MIS18A: variants seen among roughly 807,000 people sequenced by gnomAD.
MIS18A encodes the protein MIS18 kinetochore protein A.
A neutral mutation model predicts 25.0 loss-of-function variants in MIS18A; 14 were observed. The ratio of observed to expected loss-of-function variants is 0.56; its 90% confidence interval spans 0.37 to 0.88. The LOEUF (loss-of-function observed/expected upper bound fraction) is 0.88, where lower values mean the gene tolerates loss of function less well. Ranked by LOEUF, MIS18A falls within the 40% of genes least tolerant of loss-of-function variation. The probability of loss-of-function intolerance (pLI) is 0.00; values close to 1 mark genes in which losing one functional copy is unlikely to be tolerated. For missense variants in MIS18A, 292 were observed against 290.8 expected (o/e 1.00, Z -0.03); for synonymous variants, 134 against 118.6 (o/e 1.13, Z -0.84).
At chr21:32,242,125 C>A in the MIS18A span, among the ~76,000 whole-genome samples, 78 of 152,358 alleles carry the variant, frequency 5.1e-4, no homozygotes, top group African/African-American at 1.9e-3. Context: ...CGTGATCCAC[C>A]CGCCTCAGCC....
At chr21:32,169,615 A>C in the MIS18A span, among the ~76,000 whole-genome samples, 3 of 152,150 alleles carry the variant, frequency 2.0e-5, no homozygotes, top group Non-Finnish European at 4.4e-5. Flanking sequence ...GGCTTTGTAC[A>C]AGCAGGAAAT....
At chr21:32,276,856 G>C (rs2031821393) in intron 1 of MIS18A, among the ~76,000 whole-genome samples, 1 of 151,950 alleles carries the variant, frequency 6.6e-6, no homozygotes, top group South Asian at 2.1e-4. Flanking sequence ...TTGAGCAGGC[G>C]TTCAAGGTTA....
the MIS18A span, among the ~76,000 whole-genome samples, chr21:32,223,952 C>T: frequency 2.0e-5 from 3 of 152,154 alleles, no homozygotes; most frequent in East Asian, 1.9e-4. Flanking sequence ...CTTCATCCCT[C>T]GGATGCAAGG....
In MIS18A at chr21:32,279,043, G is replaced by T; in HGVS notation, c.-29C>A. ...CTACAAATCGCCCGCGCCCCAGAGC[G>T]CCATGGGAAAAAAAACCGCCGCTGC... On this transcript the variant is annotated 5_prime_UTR_variant, in exon 1 of 5. Coordinates refer to ENST00000290130, the MANE Select transcript of MIS18A (RefSeq NM_018944.3). 1 of 1,558,464 alleles carries T rather than the reference G, an allele frequency of 6.4e-7. No individual in the cohort carries two copies. The highest frequency in any genetic ancestry group is 8.7e-7 in the Non-Finnish European group (1 of 1,155,716).
chr21:32,233,969 CGG>C, the MIS18A span, among the ~76,000 whole-genome samples: 1 of 152,128 alleles, frequency 6.6e-6, no homozygotes, highest in Non-Finnish European at 1.5e-5. Context: ...AGAGAAGCCT[CGG>C]GAGATATGAC....
chr21:32,256,044 C>T, the MIS18A span, among the ~76,000 whole-genome samples: 3 of 152,130 alleles, frequency 2.0e-5, no homozygotes, highest in South Asian at 2.1e-4. Context: ...AAATGTGTTT[C>T]ACAAGCTTAC....
the MIS18A span, among the ~76,000 whole-genome samples, chr21:32,200,519 C>T: frequency 6.6e-6 from 1 of 151,780 alleles, no homozygotes; most frequent in Admixed American, 6.6e-5. Context: ...CTGCAAGCTC[C>T]ACCTCCTGGG....
the MIS18A span, among the ~76,000 whole-genome samples, chr21:32,207,083 C>A: frequency 0.12 from 19,020 of 152,186 alleles, 1,448 homozygotes; most frequent in African/African-American, 0.2. Context: ...CACGCCTGCG[C>A]CCCAGCTGTA....
chr21:32,215,567 T>C, the MIS18A span, among the ~76,000 whole-genome samples: 4 of 152,074 alleles, frequency 2.6e-5, no homozygotes, highest in South Asian at 2.1e-4. Context: ...TGAAATCAGA[T>C]GACAAGCTGG....
chr21:32,210,059 C>T, the MIS18A span, among the ~76,000 whole-genome samples: 1 of 152,300 alleles, frequency 6.6e-6, no homozygotes, highest in African/African-American at 2.4e-5. Flanking sequence ...GAATCAAGTG[C>T]TCCTTTCACT....
the MIS18A span, among the ~76,000 whole-genome samples, chr21:32,186,078 T>G: frequency 6.6e-6 from 1 of 152,146 alleles, no homozygotes; most frequent in Admixed American, 6.5e-5. Context: ...CACAGGCGGC[T>G]TCCCACCTTC....
chr21:32,252,775 G>A, the MIS18A span, among the ~76,000 whole-genome samples: 1 of 152,190 alleles, frequency 6.6e-6, no homozygotes, highest in Non-Finnish European at 1.5e-5. Flanking sequence ...AAATTTAGAT[G>A]TATCTGTTTT....
the MIS18A span, among the ~76,000 whole-genome samples, chr21:32,208,281 G>T: frequency 7.2e-5 from 11 of 152,162 alleles, no homozygotes; most frequent in East Asian, 1.9e-4. Flanking sequence ...TGAAGGTAGG[G>T]CCTGGTGGGA....
At chr21:32,160,331 C>T in the MIS18A span, among the ~76,000 whole-genome samples, 9 of 138,896 alleles carry the variant, frequency 6.5e-5, no homozygotes, top group African/African-American at 1.6e-4. Flanking sequence ...CACACACACA[C>T]ATACACCATT....
intron 2 of MIS18A, among the ~76,000 whole-genome samples, chr21:32,271,082 C>T (rs1343159616): frequency 1.3e-5 from 2 of 152,202 alleles, no homozygotes; most frequent in Admixed American, 6.5e-5. Context: ...TTTCTTCATT[C>T]TAGTTACCTC....
At chr21:32,164,511 TAA>T in the MIS18A span, among the ~76,000 whole-genome samples, 8 of 152,278 alleles carry the variant, frequency 5.3e-5, no homozygotes, top group East Asian at 1.5e-3. Context: ...GGAAAAATAT[TAA>T]GTTTAATGTT....
chr21:32,168,292 G>T, the MIS18A span, among the ~76,000 whole-genome samples: 5 of 152,242 alleles, frequency 3.3e-5, 1 homozygote, highest in Admixed American at 2.6e-4. Flanking sequence ...TGTTATCCCA[G>T]CCCAAGCAGA....
the MIS18A span, among the ~76,000 whole-genome samples, chr21:32,177,108 C>T: frequency 3.3e-5 from 5 of 152,054 alleles, no homozygotes; most frequent in Non-Finnish European, 7.4e-5. Flanking sequence ...GAGAATCCTT[C>T]GTGATCAAGT....
the MIS18A span, among the ~76,000 whole-genome samples, chr21:32,225,434 A>C: frequency 2.3e-5 from 1 of 44,006 alleles, no homozygotes; most frequent in South Asian, 1.2e-3. Flanking sequence ...AATTTACAAG[A>C]AAAAAACAAA....
Sources: gnomAD v4.1 joint callset for allele counts (sites outside exome capture counted in the v4.1 genomes callset) on GRCh38, gnomAD v4.1.1 for gene constraint, MANE v1.5 for transcripts, NCBI Gene and HGNC (gene_info 2026-07-23, HGNC 2026-07-21) for gene names.